The following CACNB4 variants were observed in gnomAD, a reference collection of about 807,000 sequenced individuals.
CACNB4 encodes the protein voltage-dependent L-type calcium channel subunit beta-4.
CACNB4 carries 32 observed loss-of-function variants against 71.2 expected under a neutral mutation model. That is an observed-to-expected ratio of 0.45 (90% confidence interval 0.34 to 0.60). The LOEUF (loss-of-function observed/expected upper bound fraction) is 0.60, where lower values mean the gene tolerates loss of function less well. Ranked by LOEUF, CACNB4 falls within the 20% of genes least tolerant of loss-of-function variation. The pLI, the probability that CACNB4 is intolerant of heterozygous loss-of-function variation, is 0.01. For missense variants in CACNB4, 464 were observed against 647.9 expected, an observed-to-expected ratio of 0.72 and a Z score of 3.08; for synonymous variants, 231 against 236.9, an observed-to-expected ratio of 0.97 and a Z score of 0.23.
chr2:151,946,016 A>G (rs200605827), intron 2 of CACNB4, among the ~76,000 whole-genome samples: 1 of 125,990 alleles, frequency 7.9e-6, no homozygotes, highest in Non-Finnish European at 1.7e-5. Context: ...TGTTGTTGTT[A>G]TTATTATTAT....
chr2:151,844,707 C>A (rs896077332), intron 12 of CACNB4, among the ~76,000 whole-genome samples: 5 of 152,088 alleles, frequency 3.3e-5, no homozygotes, highest in African/African-American at 1.2e-4. Context: ...GACAGCTACA[C>A]CCCAAAGGAC....
chr2:152,044,037 C>G (rs879866052), intron 2 of CACNB4, among the ~76,000 whole-genome samples: 1 of 151,984 alleles, frequency 6.6e-6, no homozygotes, highest in Admixed American at 6.6e-5. Flanking sequence ...AAGACCCTGT[C>G]TCTTAAAAAT....
intron 13 of CACNB4, among the ~76,000 whole-genome samples, 157 bp from the exon 14 acceptor site, chr2:151,839,536 T>A (rs1322813788): frequency 2.6e-5 from 4 of 152,232 alleles, no homozygotes; most frequent in Admixed American, 6.5e-5. Context: ...GAATATCTGG[T>A]CTTATTTATT....
intron 2 of CACNB4, among the ~76,000 whole-genome samples, chr2:152,003,665 C>T (rs1482523862): frequency 6.6e-6 from 1 of 152,138 alleles, no homozygotes; most frequent in Non-Finnish European, 1.5e-5. Flanking sequence ...AGAAACCTCT[C>T]TTCGTTTTCC....
chr2:151,937,354 A>C lies in CACNB4; in HGVS notation c.148-53984T>G, dbSNP rs1333540642. Reference sequence around the variant, plus strand: ...TCATTTAATGCTGCCTTACACTATGAAAATGCAAAGAACTCTGGGAGAGGC... The same window carrying C: ...TCATTTAATGCTGCCTTACACTATGCAAATGCAAAGAACTCTGGGAGAGGC... On this transcript the variant is annotated intron_variant, in intron 2 of 13. Transcript: ENST00000539935. 2.0e-5 allele frequency among the ~76,000 whole-genome samples: 3 copies of C among 152,196 alleles called. No individual in the cohort carries two copies. In the East Asian group the frequency reaches 5.8e-4, roughly 29 times the overall value.
chr2:151,916,453 T>C (rs2099857558), intron 2 of CACNB4, among the ~76,000 whole-genome samples: 1 of 142,484 alleles, frequency 7.0e-6, no homozygotes, highest in Non-Finnish European at 1.5e-5. Context: ...CATAAAATTA[T>C]TCATGCCTAT....
At chr2:151,900,991 CTTTTTTT>C (rs869114252) in intron 2 of CACNB4, among the ~76,000 whole-genome samples, 5 of 9,030 alleles carry the variant, frequency 5.5e-4, no homozygotes, top group South Asian at 4.0e-3. Context: ...TTCTTTCTTT[CTTTTTTT>C]TTTTTTTTTT....
chr2:151,955,144 C>T (rs569497417), intron 2 of CACNB4, among the ~76,000 whole-genome samples: 6 of 152,152 alleles, frequency 3.9e-5, no homozygotes, highest in South Asian at 2.1e-4. Context: ...CGTGAGCCAC[C>T]GTGCCCAGCC....
rs1553791572 is a variant in CACNB4, at chr2:151,957,257, CGTGTGT to C, written c.148-73893_148-73888del. Among the ~76,000 whole-genome samples, 1,059 of 131,866 alleles carry C rather than the reference CGTGTGT, an allele frequency of 8.0e-3. 10 individuals are homozygous for C. Among genetic ancestry groups the C allele is most frequent in the Non-Finnish European group, 0.012 (731 of 61,766 alleles). The allele number at this position is 131,866 out of a possible 152,430, so 86.5% of individuals were successfully genotyped here. ...AGAAAAAAAAAGTAGAGTGGCTGGG[CGTGTGT>C]GTGTGTGTGTGTGTGTGTGTGTGTG... On this transcript the variant is annotated intron_variant, in intron 2 of 13. Coordinates refer to ENST00000539935, the MANE Select transcript of CACNB4 (RefSeq NM_000726.5).
intron 12 of CACNB4, among the ~76,000 whole-genome samples, chr2:151,844,685 G>A (rs1056420565): frequency 1.3e-5 from 2 of 152,176 alleles, no homozygotes; most frequent in African/African-American, 4.8e-5. Flanking sequence ...GTGCTGACTT[G>A]AGTGAGACAA....
chr2:151,875,714 A>C (rs1482798424), intron 5 of CACNB4, among the ~76,000 whole-genome samples: 2 of 85,640 alleles, frequency 2.3e-5, no homozygotes, highest in Non-Finnish European at 4.6e-5. Flanking sequence ...CTGGCCGGGC[A>C]GAGGGGCTCC....
chr2:152,098,566 C>CCG lies in CACNB4; in HGVS notation c.64-154_64-153insCG. 1 of 846,866 alleles carries CCG rather than the reference C, an allele frequency of 1.2e-6. No individual in the cohort carries two copies. The highest frequency in any genetic ancestry group is 2.0e-6 in the Non-Finnish European group (1 of 504,938). 52.5% of individuals were successfully genotyped at this position (846,866 alleles called of 1,614,324 possible). A position where few individuals can be genotyped will look rare whatever the true frequency, so the allele number is the denominator to read the frequency against. On this transcript the variant is annotated intron_variant, in intron 1 of 13. Coordinates refer to ENST00000539935, the MANE Select transcript of CACNB4 (RefSeq NM_000726.5). The surrounding 1 kb of genome is among the most constrained non-coding windows in gnomAD (Gnocchi z 5.3). ...CTCCTCCGCGACTCCCAAATACAGC[C>CCG]CCCACCCCCACCCACCCACTGCAAG...
chr2:151,954,215 A>G (rs1284677610), intron 2 of CACNB4, among the ~76,000 whole-genome samples: 1 of 152,220 alleles, frequency 6.6e-6, no homozygotes, highest in Admixed American at 6.5e-5. Flanking sequence ...TCTAAACCAG[A>G]GTGGCATGGT....
At chr2:152,044,121 C>G (rs527257785) in intron 2 of CACNB4, among the ~76,000 whole-genome samples, 1 of 152,308 alleles carries the variant, frequency 6.6e-6, no homozygotes, top group Non-Finnish European at 1.5e-5. Context: ...GTAAAATATA[C>G]TAAAAACAAA....
chr2:151,943,185 G>A (rs2099864704), intron 2 of CACNB4, among the ~76,000 whole-genome samples: 3 of 152,150 alleles, frequency 2.0e-5, no homozygotes, highest in Admixed American at 2.0e-4. Context: ...CGGCGGCCCA[G>A]CTGTAAAATT....
At chr2:151,898,665 C>G (rs755437576) in intron 2 of CACNB4, among the ~76,000 whole-genome samples, 6 of 152,130 alleles carry the variant, frequency 3.9e-5, no homozygotes, top group Non-Finnish European at 7.3e-5. Flanking sequence ...AGATGCATGC[C>G]TTAAAAGGAA....
chr2:151,882,179 CT>C (rs2099848061), intron 3 of CACNB4, among the ~76,000 whole-genome samples: 1 of 135,742 alleles, frequency 7.4e-6, no homozygotes, highest in African/African-American at 2.7e-5. Flanking sequence ...GCACCGGCCC[CT>C]CTTTTTTTTT....
chr2:151,959,517 A>C (rs1347704885), intron 2 of CACNB4, among the ~76,000 whole-genome samples: 1 of 152,216 alleles, frequency 6.6e-6, no homozygotes, highest in African/African-American at 2.4e-5. Context: ...CAGCTTCTCT[A>C]TGTAAATGCA....
chr2:152,049,231 C>T (rs1182249904), intron 2 of CACNB4, among the ~76,000 whole-genome samples: 1 of 151,722 alleles, frequency 6.6e-6, no homozygotes, highest in Non-Finnish European at 1.5e-5. Flanking sequence ...GTGGCACAAT[C>T]TCGGCTCACT....
Sources: gnomAD v4.1 joint callset for allele counts (sites outside exome capture counted in the v4.1 genomes callset) on GRCh38, gnomAD v4.1.1 for gene constraint, Gnocchi (gnomAD v3.1) non-coding constraint, MANE v1.5 for transcripts, NCBI Gene and HGNC (gene_info 2026-07-23, HGNC 2026-07-21) for gene names.